Variants in MYO1C observed in about 807,000 individuals in gnomAD.
MYO1C encodes myosin IC.
Under a neutral mutation model 150.8 loss-of-function variants are expected in MYO1C, and 104 were observed. The observed-to-expected ratio is 0.69, with a 90% CI of 0.59 to 0.81. MYO1C has a LOEUF of 0.81. MYO1C is among the 30% of genes least tolerant of loss of function. The probability of loss-of-function intolerance (pLI) is 0.00; values close to 1 mark genes in which losing one functional copy is unlikely to be tolerated. For synonymous variants in MYO1C, 663 were observed against 579.9 expected (o/e 1.14, Z -2.06); for missense variants, 1,504 against 1,435.0 (o/e 1.05, Z -0.78).
chr17:1,484,524 C>T (rs1179243248), intron 1 of MYO1C: 2 of 618,992 alleles, frequency 3.2e-6, no homozygotes, highest in Non-Finnish European at 5.8e-6. Flanking sequence ...CCCAGTGTGG[C>T]AGCAGAGGGA....
rs2074135733 is a variant in MYO1C at position 1,464,704 on chromosome 17, GGGGCT to G, written c.*1017_*1021del. On this transcript the variant is annotated 3_prime_UTR_variant, in exon 32 of 32. Coordinates refer to ENST00000648651, the MANE Select transcript of MYO1C (RefSeq NM_001080779.2). ...TCTGTCTTCTGCTCTGTAACATCAAGGGGCTGGGCTGGATGATCTCTCAGCGTCTT... is the reference window on the plus strand; with the variant it reads ...TCTGTCTTCTGCTCTGTAACATCAAGGGGCTGGATGATCTCTCAGCGTCTT... 6.6e-6 allele frequency: 1 copy of G among 152,644 alleles called. No individual in the cohort carries two copies. The highest frequency in any genetic ancestry group is 2.4e-5 in the African/African-American group (1 of 41,444). 9.5% of individuals were successfully genotyped at this position (152,644 alleles called of 1,614,324 possible).
At chr17:1,469,063 C>G (rs555218591) in intron 25 of MYO1C, 3 of 299,810 alleles carry the variant, frequency 1.0e-5, no homozygotes, top group African/African-American at 4.4e-5. Flanking sequence ...CGAGGCCCAG[C>G]AGGGCCTGGC....
intron 13 of MYO1C, 28 bp from the exon 14 acceptor site, chr17:1,477,624 C>A: frequency 6.4e-7 from 1 of 1,558,024 alleles, no homozygotes; most frequent in Non-Finnish European, 8.9e-7. Flanking sequence ...GGGGGAAGGA[C>A]GTATGGGGGA....
At chr17:1,485,765 TCGGCGGCGGTGG>T (rs1334797389) in intron 1 of MYO1C, 6 of 1,049,512 alleles carry the variant, frequency 5.7e-6, no homozygotes, top group Non-Finnish European at 6.9e-6. Flanking sequence ...GGTCCCGGGC[TCGGCGGCGGTGG>T]CGGCGGCGTC....
chr17:1,477,731 C>A (rs1301935367), intron 13 of MYO1C, 135 bp from the exon 14 acceptor site: 2 of 994,372 alleles, frequency 2.0e-6, no homozygotes, highest in East Asian at 4.8e-5. Flanking sequence ...GAGCTTCCAA[C>A]TGGGGCGGCA....
rs1014451564 is a variant in MYO1C at position 1,470,424 on chromosome 17, C to G, written c.2366+11G>C. The G allele has an allele frequency of 6.5e-7, 1 of 1,550,204 alleles. No individual in the cohort carries two copies. Among genetic ancestry groups the G allele is most frequent in the Non-Finnish European group, 8.7e-7 (1 of 1,147,024 alleles). ...TGCTCTGCAGCCCCCACAAGGCACC[C>G]TGGCGCTCACCGCCGGATGGTCTGT... On this transcript the variant is annotated intron_variant, in intron 23 of 31. Coordinates refer to ENST00000648651, the MANE Select transcript of MYO1C (RefSeq NM_001080779.2).
chr17:1,485,242 T>C (rs2074627466), intron 1 of MYO1C: 2 of 1,160,322 alleles, frequency 1.7e-6, no homozygotes, highest in South Asian at 3.3e-5. Flanking sequence ...GTCTCAGGGC[T>C]CCAAAAAATG....
chr17:1,485,892 CAGGTGGGGTTGGTGG>C (rs2074646765), intron 1 of MYO1C: 1 of 183,680 alleles, frequency 5.4e-6, no homozygotes, highest in South Asian at 1.9e-4. Context: ...GGGTCCCCTC[CAGGTGGGGTTGGTGG>C]AGGTGGGGGT....
chr17:1,467,614 C>G, intron 29 of MYO1C, 37 bp from the exon 30 acceptor site: 1 of 1,600,882 alleles, frequency 6.2e-7, no homozygotes, highest in Non-Finnish European at 8.5e-7. Flanking sequence ...CAGGCCCTGC[C>G]CAGAACTTGA....
At chr17:1,470,885 C>A in intron 21 of MYO1C, 186 bp downstream of exon 21, 1 of 892,222 alleles carries the variant, frequency 1.1e-6, no homozygotes, top group Non-Finnish European at 1.8e-6. Context: ...GGGCGTGGGG[C>A]TGGAGCTGGT....
chr17:1,470,535 C>T lies in MYO1C; in HGVS notation c.2282-16G>A. 3 of 1,556,582 alleles carry T rather than the reference C, an allele frequency of 1.9e-6. No individual in the cohort carries two copies. The highest frequency in any genetic ancestry group is 2.4e-5 in the East Asian group (1 of 41,618). ...ATGCAGATGGCTGTCGTGGAGACCACAGATGGCTGAACTCTATCTTCTTAC... is the reference window on the plus strand; with the variant it reads ...ATGCAGATGGCTGTCGTGGAGACCATAGATGGCTGAACTCTATCTTCTTAC... On this transcript the variant is annotated splice_polypyrimidine_tract_variant and intron_variant, in intron 22 of 31. Coordinates refer to ENST00000648651, the MANE Select transcript of MYO1C (RefSeq NM_001080779.2).
At chr17:1,487,153 C>T (rs67159434) in intron 1 of MYO1C, 2,303 of 152,658 alleles carry the variant, frequency 0.015, 26 homozygotes, top group Middle Eastern at 0.033. Context: ...TCCAGACCCC[C>T]TATAGACCTC....
intron 1 of MYO1C, among the ~76,000 whole-genome samples, chr17:1,487,252 C>T (rs927781920): frequency 3.3e-5 from 5 of 152,258 alleles, no homozygotes; most frequent in Admixed American, 1.3e-4. Flanking sequence ...GGCCGTGGGC[C>T]ACGCTTCCGA....
In MYO1C at chr17:1,474,692, T is replaced by G; in HGVS notation, c.1717-2A>C. ...GGGATTCTTTGAGCTACACATGGTC[T>G]GTGTGGGCAGAGCCGGGGTCAGGGT... On this transcript the variant is annotated splice_acceptor_variant, in intron 16 of 31. Transcript: ENST00000648651. LOFTEE classifies it high-confidence loss of function. The G allele has an allele frequency of 6.2e-7, 1 of 1,613,982 alleles. No individual in the cohort carries two copies. The highest frequency in any genetic ancestry group is 8.5e-7 in the Non-Finnish European group (1 of 1,179,914).
chr17:1,486,108 A>C (rs2074651087), intron 1 of MYO1C: 1 of 153,036 alleles, frequency 6.5e-6, no homozygotes. Flanking sequence ...GCGGGCACCG[A>C]GGCCTGCGGG....
In MYO1C at chr17:1,474,753, C is replaced by G. The variant is rs2286874; in HGVS notation, c.1716+59G>C. The G allele has an allele frequency of 0.084, 135,693 of 1,612,662 alleles. 6,256 individuals are homozygous for G. The highest frequency in any genetic ancestry group is 0.12 in the Middle Eastern group (733 of 6,048). Reference sequence around the variant, plus strand: ...GACAGGCAGGACAGGCTCCTGGACACAGGTGCAGAGCTGTGGGCTATCCCC... The same window carrying G: ...GACAGGCAGGACAGGCTCCTGGACAGAGGTGCAGAGCTGTGGGCTATCCCC... On this transcript the variant is annotated intron_variant, in intron 16 of 31. Transcript: ENST00000648651.
rs1411186387 is a variant in MYO1C at position 1,480,538 on chromosome 17, C to G, written c.895G>C (p.Asp299His). ...GGAAGAGGCCTCACCTCCACTTCAT[C>G]CTCGGTGAAATCAATGACTGTCAGA... ...KALTVIDFTE[D>H]EVEDLLSIVA... The change falls in exon 7 of 32, where the codon GAT becomes CAT. Residue 299 changes from aspartate to histidine, a missense_variant. Asp to His is a moderately conservative substitution (Grantham distance 81, BLOSUM62 -1). Transcript: ENST00000648651. 3 of 1,613,694 alleles carry G rather than the reference C, an allele frequency of 1.9e-6. No individual in the cohort carries two copies. The highest frequency in any genetic ancestry group is 2.5e-6 in the Non-Finnish European group (3 of 1,179,588).
At position 1,482,897 on chromosome 17, in the gene MYO1C, C is replaced by A; in HGVS notation, c.510G>T (p.Val170=). Residue 170 remains valine (V), a synonymous_variant, in exon 4 of 32, where the codon GTG becomes GTT. Transcript: ENST00000648651. The stretch of plus-strand genomic sequence containing the variant: ...GGTTGCTCTGTAGCAGCCGGTCCCG[C>A]ACGGCACCTCCGCGCTCGGGGGCTG... ...TCPAPERGGA[V]RDRLLQSNPV... is the part of the protein sequence containing the mutation. The A allele has an allele frequency of 6.2e-7, 1 of 1,612,068 alleles. No homozygotes were observed. Among genetic ancestry groups the A allele is most frequent in the Non-Finnish European group, 8.5e-7 (1 of 1,179,934 alleles).
intron 17 of MYO1C, among the ~76,000 whole-genome samples, chr17:1,473,135 G>A (rs1278275630): frequency 3.3e-5 from 5 of 152,234 alleles, no homozygotes; most frequent in South Asian, 4.1e-4. Context: ...AGGAGGCAGA[G>A]GTTGCAGTGA....
Sources: allele counts gnomAD v4.1 joint callset (sites outside exome capture counted in the v4.1 genomes callset), GRCh38; gene constraint gnomAD v4.1.1; transcripts MANE v1.5; gene names NCBI Gene and HGNC (gene_info 2026-07-23, HGNC 2026-07-21).